The following ADAMTS17 variants were observed in gnomAD, a reference collection of about 807,000 sequenced individuals.
The protein encoded by ADAMTS17 is ADAM metallopeptidase with thrombospondin type 1 motif 17, also known as A disintegrin and metalloproteinase with thrombospondin motifs 17.
ADAMTS17 carries 113 observed loss-of-function variants against 141.5 expected under a neutral mutation model. The observed-to-expected ratio is 0.80, with a 90% confidence interval of 0.69 to 0.93. The LOEUF (loss-of-function observed/expected upper bound fraction) is 0.93, where lower values mean the gene tolerates loss of function less well. ADAMTS17 is among the 40% of genes least tolerant of loss of function. The probability of loss-of-function intolerance (pLI) is 0.00; values close to 1 mark genes in which losing one functional copy is unlikely to be tolerated. For synonymous variants in ADAMTS17, 768 were observed against 630.6 expected (o/e 1.22, Z -3.27); for missense variants, 1,659 against 1,517.9 (o/e 1.09, Z -1.54).
intron 8 of ADAMTS17, among the ~76,000 whole-genome samples, chr15:100,164,514 A>C (rs952368494): frequency 6.6e-6 from 1 of 152,210 alleles, no homozygotes; most frequent in Non-Finnish European, 1.5e-5. Context: ...TCACATGCGA[A>C]AACAGCCACC....
At chr15:100,081,680 C>A (rs2034746447) in intron 15 of ADAMTS17, among the ~76,000 whole-genome samples, 1 of 152,146 alleles carries the variant, frequency 6.6e-6, no homozygotes, top group South Asian at 2.1e-4. Flanking sequence ...ACTATTTAAG[C>A]CAACCAACAC....
chr15:100,177,866 T>C (rs945001953), intron 8 of ADAMTS17, among the ~76,000 whole-genome samples: 2 of 152,198 alleles, frequency 1.3e-5, no homozygotes, highest in Non-Finnish European at 2.9e-5. Flanking sequence ...TTAAAGGTTG[T>C]TGTATCTTTT....
chr15:100,115,301 G>C (rs1483836206), intron 13 of ADAMTS17, among the ~76,000 whole-genome samples: 1 of 152,230 alleles, frequency 6.6e-6, no homozygotes, highest in Non-Finnish European at 1.5e-5. Context: ...CACGGCTCCA[G>C]CCGCACACGT....
chr15:100,341,805 T>G lies in ADAMTS17; in HGVS notation c.79+16A>C. On this transcript the variant is annotated intron_variant, in intron 1 of 21. Transcript: ENST00000268070. Reference sequence around the variant, plus strand: ...GCAGGACGCGGGGTGAAGAGGGCTGTGGGAGGGGGCGCTACCTGTGCCCGG... The same window carrying G: ...GCAGGACGCGGGGTGAAGAGGGCTGGGGGAGGGGGCGCTACCTGTGCCCGG... The G allele has an allele frequency of 2.6e-6, 4 of 1,549,748 alleles. No homozygotes were observed. In the South Asian group the frequency reaches 3.6e-5, roughly 14 times the overall value.
At chr15:100,217,823 A>G (rs999611594) in intron 7 of ADAMTS17, among the ~76,000 whole-genome samples, 11 of 152,216 alleles carry the variant, frequency 7.2e-5, no homozygotes, top group Middle Eastern at 3.2e-3. Flanking sequence ...TACATGAAGA[A>G]TCCTTACAAG....
At chr15:100,249,181 A>G (rs2043076776) in intron 7 of ADAMTS17, among the ~76,000 whole-genome samples, 1 of 152,134 alleles carries the variant, frequency 6.6e-6, no homozygotes, top group African/African-American at 2.4e-5. Flanking sequence ...AGGCCTCTGC[A>G]CTGCAGGGCT....
intron 4 of ADAMTS17, among the ~76,000 whole-genome samples, chr15:100,270,258 T>C (rs1324573534): frequency 6.6e-6 from 1 of 152,190 alleles, no homozygotes; most frequent in Non-Finnish European, 1.5e-5. Flanking sequence ...AGGCATTCTT[T>C]CTTGGTGCAG....
chr15:100,266,580 C>G (rs1183541163), intron 4 of ADAMTS17, among the ~76,000 whole-genome samples: 1 of 152,238 alleles, frequency 6.6e-6, no homozygotes, highest in Non-Finnish European at 1.5e-5. Flanking sequence ...GGCCTCCCCG[C>G]CTGCAAGGTC....
At chr15:100,254,542 C>T (rs924778515) in intron 6 of ADAMTS17, among the ~76,000 whole-genome samples, 1 of 152,232 alleles carries the variant, frequency 6.6e-6, no homozygotes, top group African/African-American at 2.4e-5. Flanking sequence ...AGCTACTCTA[C>T]TTCCCCAAGC....
intron 3 of ADAMTS17, 27 bp from the exon 4 acceptor site, chr15:100,281,428 G>A (rs376699698): frequency 6.2e-5 from 100 of 1,605,204 alleles, no homozygotes; most frequent in Middle Eastern, 3.4e-4. Flanking sequence ...ACATTTGTGC[G>A]GTCCTTGGCT....
At chr15:100,232,319 G>C (rs1425098692) in intron 7 of ADAMTS17, among the ~76,000 whole-genome samples, 4 of 152,206 alleles carry the variant, frequency 2.6e-5, no homozygotes, top group African/African-American at 9.6e-5. Context: ...CCCCCTGCCA[G>C]CACCTCCCCA....
intron 8 of ADAMTS17, among the ~76,000 whole-genome samples, chr15:100,160,131 C>A (rs2039623412): frequency 6.6e-6 from 1 of 152,184 alleles, no homozygotes; most frequent in Admixed American, 6.5e-5. Flanking sequence ...ATGGATACAG[C>A]ATTATCTTAC....
intron 7 of ADAMTS17, among the ~76,000 whole-genome samples, chr15:100,227,827 G>C (rs1567391421): frequency 6.6e-6 from 1 of 152,242 alleles, no homozygotes; most frequent in African/African-American, 2.4e-5. Flanking sequence ...CATCACCTGA[G>C]GGTGGGCACA....
chr15:100,281,488 C>T (rs373191809), intron 3 of ADAMTS17, 87 bp from the exon 4 acceptor site: 28 of 1,516,230 alleles, frequency 1.8e-5, no homozygotes, highest in African/African-American at 1.7e-4. Flanking sequence ...CAAGCCTGCC[C>T]GAGAGAGTGG....
At chr15:100,145,959 G>T (rs2038882355) in intron 10 of ADAMTS17, among the ~76,000 whole-genome samples, 1 of 152,206 alleles carries the variant, frequency 6.6e-6, no homozygotes, top group African/African-American at 2.4e-5. Flanking sequence ...GATCACTTGA[G>T]GTCAGGAGTT....
At chr15:100,115,869 C>T (rs982244814) in intron 13 of ADAMTS17, among the ~76,000 whole-genome samples, 13 of 152,184 alleles carry the variant, frequency 8.5e-5, no homozygotes, top group African/African-American at 3.1e-4. Context: ...GTGTTGGCAG[C>T]CAGGCAATAG....
chr15:100,088,628 G>C (rs1185706473), intron 15 of ADAMTS17, among the ~76,000 whole-genome samples: 5 of 151,372 alleles, frequency 3.3e-5, no homozygotes, highest in Admixed American at 1.3e-4. Flanking sequence ...CATGGTACTG[G>C]TACCAAAACA....
chr15:100,101,720 C>G (rs2418489), intron 14 of ADAMTS17, among the ~76,000 whole-genome samples: 1 of 152,054 alleles, frequency 6.6e-6, no homozygotes, highest in Non-Finnish European at 1.5e-5. Flanking sequence ...GCTGGGGAGT[C>G]TAGTTTTCTC....
At position 100,132,095 on chromosome 15, in the gene ADAMTS17, C is replaced by A; in HGVS notation, c.1633G>T (p.Asp545Tyr). 1.2e-6 allele frequency: 2 copies of A among 1,614,198 alleles called. No homozygotes were observed. The change falls in exon 12 of 22, where the codon GAC becomes TAC. Residue 545 changes from aspartate to tyrosine, a missense_variant. By Grantham distance (160) the Asp-to-Tyr change is radical. Coordinates refer to ENST00000268070, the MANE Select transcript of ADAMTS17 (RefSeq NM_139057.4). The stretch of plus-strand genomic sequence containing the variant: ...CTCCAGGCGCCCCACGGGCTCCAGT[C>A]TCCGTCCACATGCTCCGGGATGGGC... ...KTPIPEHVDG[D>Y]WSPWGAWSMC...
Sources: allele counts gnomAD v4.1 joint callset (sites outside exome capture counted in the v4.1 genomes callset), GRCh38; gene constraint gnomAD v4.1.1; transcripts MANE v1.5; gene names NCBI Gene and HGNC (gene_info 2026-07-23, HGNC 2026-07-21).